Variants in AGBL1 observed in about 807,000 individuals in gnomAD.
The protein encoded by AGBL1 is cytosolic carboxypeptidase 4.
A neutral mutation model predicts 118.9 loss-of-function variants in AGBL1; 130 were observed. The ratio of observed to expected loss-of-function variants is 1.09; its 90% CI spans 0.95 to 1.26. AGBL1 has a LOEUF of 1.26. Ranked by LOEUF, AGBL1 falls within the 50% of genes most tolerant of loss-of-function variation. The pLI is 0.00. For synonymous variants in AGBL1, 555 were observed against 478.9 expected, an observed-to-expected ratio of 1.16 and a Z score of -2.08; for missense variants, 1,584 against 1,298.1, an observed-to-expected ratio of 1.22 and a Z score of -3.38.
At chr15:86,400,734 C>T (rs1246584730) in intron 18 of AGBL1, among the ~76,000 whole-genome samples, 1 of 151,960 alleles carries the variant, frequency 6.6e-6, no homozygotes, top group East Asian at 1.9e-4. Flanking sequence ...TGAGTTACTT[C>T]ACTTAGAATA....
At chr15:86,740,892 G>T (rs1021681374) in intron 22 of AGBL1, among the ~76,000 whole-genome samples, 3 of 152,088 alleles carry the variant, frequency 2.0e-5, no homozygotes, top group African/African-American at 7.2e-5. Context: ...CTGGAATGCC[G>T]CAGGATCCAG....
chr15:86,202,020 G>A (rs957923617), intron 5 of AGBL1, among the ~76,000 whole-genome samples: 6 of 152,048 alleles, frequency 3.9e-5, no homozygotes, highest in African/African-American at 9.7e-5. Context: ...GCATGGGAGC[G>A]CATGCCTGTA....
intron 22 of AGBL1, among the ~76,000 whole-genome samples, chr15:86,887,936 T>C (rs2079994086): frequency 6.6e-6 from 1 of 152,116 alleles, no homozygotes; most frequent in African/African-American, 2.4e-5. Context: ...GAAGCTTTAA[T>C]TTGCCTTCCA....
chr15:86,642,931 G>T (rs1234685982), intron 21 of AGBL1, among the ~76,000 whole-genome samples: 1 of 152,154 alleles, frequency 6.6e-6, no homozygotes, highest in Non-Finnish European at 1.5e-5. Flanking sequence ...ATGTGTTTAT[G>T]CACTAATATA....
intron 23 of AGBL1, among the ~76,000 whole-genome samples, chr15:86,930,121 T>C (rs1306438296): frequency 6.6e-6 from 1 of 152,138 alleles, no homozygotes; most frequent in African/African-American, 2.4e-5. Flanking sequence ...ATGATGAATA[T>C]TATCGTCAAT....
intron 21 of AGBL1, among the ~76,000 whole-genome samples, chr15:86,651,984 T>G (rs2085378656): frequency 6.6e-6 from 1 of 152,140 alleles, no homozygotes; most frequent in Non-Finnish European, 1.5e-5. Flanking sequence ...TTGCTTGTTT[T>G]TCTACAGTCC....
intron 23 of AGBL1, among the ~76,000 whole-genome samples, chr15:86,940,186 G>A (rs1258612205): frequency 1.4e-5 from 2 of 146,742 alleles, no homozygotes; most frequent in African/African-American, 5.0e-5. Context: ...TTACAGACAT[G>A]AGCCTGTGCC....
chr15:86,765,247 C>CA (rs1051409032), intron 22 of AGBL1, among the ~76,000 whole-genome samples: 1 of 151,760 alleles, frequency 6.6e-6, no homozygotes, highest in Non-Finnish European at 1.5e-5. Flanking sequence ...CTTCCCCTTG[C>CA]AAAAAATATG....
At chr15:86,383,275 A>AAAAAAAAAAT (rs544397935) in intron 17 of AGBL1, among the ~76,000 whole-genome samples, 4 of 118,898 alleles carry the variant, frequency 3.4e-5, no homozygotes, top group Non-Finnish European at 5.1e-5. Flanking sequence ...AAAAAAAAAA[A>AAAAAAAAAAT]TCCTAATTGC....
At chr15:86,820,198 A>G (rs1283472331) in intron 22 of AGBL1, among the ~76,000 whole-genome samples, 1 of 152,220 alleles carries the variant, frequency 6.6e-6, no homozygotes, top group Non-Finnish European at 1.5e-5. Context: ...TCTGGAAGAA[A>G]ACCTAGGTAA....
intron 17 of AGBL1, chr15:86,299,735 C>T (rs958390833): frequency 7.2e-5 from 11 of 152,084 alleles, no homozygotes; most frequent in African/African-American, 2.4e-4. Context: ...GATTAGCATA[C>T]CCTTTGAATA....
At chr15:86,136,836 A>C (rs1422044596) in intron 1 of AGBL1, among the ~76,000 whole-genome samples, 1 of 152,204 alleles carries the variant, frequency 6.6e-6, no homozygotes, top group Non-Finnish European at 1.5e-5. Context: ...TGACACATTC[A>C]AAACAGTATT....
At chr15:86,282,992 A>G (rs1442919785) in intron 16 of AGBL1, among the ~76,000 whole-genome samples, 1 of 152,208 alleles carries the variant, frequency 6.6e-6, no homozygotes, top group Admixed American at 6.5e-5. Context: ...GGAAATTAGT[A>G]TTTGGTTCTT....
At chr15:86,802,968 A>G (rs1268590064) in intron 22 of AGBL1, among the ~76,000 whole-genome samples, 2 of 152,200 alleles carry the variant, frequency 1.3e-5, no homozygotes, top group Non-Finnish European at 2.9e-5. Flanking sequence ...TGTGTGACCC[A>G]TTATTTGGAC....
At chr15:86,111,300 G>A (rs1298100335) in intron 1 of AGBL1, among the ~76,000 whole-genome samples, 6 of 152,322 alleles carry the variant, frequency 3.9e-5, no homozygotes, top group African/African-American at 9.6e-5. Flanking sequence ...TGGGCAGTAT[G>A]TACTTTGAAT....
chr15:86,373,935 C>T (rs902278584), intron 17 of AGBL1, among the ~76,000 whole-genome samples: 1 of 152,136 alleles, frequency 6.6e-6, no homozygotes, highest in African/African-American at 2.4e-5. Flanking sequence ...TGTATAGTAG[C>T]TATTACTAAC....
chr15:86,787,646 T>C (rs957240140), intron 22 of AGBL1, among the ~76,000 whole-genome samples: 2 of 152,190 alleles, frequency 1.3e-5, no homozygotes, highest in African/African-American at 2.4e-5. Flanking sequence ...GTGGACACTT[T>C]GGTTGTTTCC....
intron 19 of AGBL1, among the ~76,000 whole-genome samples, chr15:86,526,120 A>G (rs940902376): frequency 4.6e-5 from 7 of 152,164 alleles, no homozygotes; most frequent in African/African-American, 1.4e-4. Context: ...AAAATGCTCA[A>G]CGTCACTAAT....
intron 6 of AGBL1, 89 bp from the exon 7 acceptor site, chr15:86,247,582 G>A: frequency 1.6e-6 from 2 of 1,283,480 alleles, no homozygotes; most frequent in Non-Finnish European, 2.2e-6. Context: ...TGATTAATAA[G>A]TATCTTGTGG....
Sources: allele counts gnomAD v4.1 joint callset (sites outside exome capture counted in the v4.1 genomes callset), GRCh38; gene constraint gnomAD v4.1.1; transcripts MANE v1.5; gene names NCBI Gene and HGNC (gene_info 2026-07-23, HGNC 2026-07-21).